DSCAM: variants seen among roughly 807,000 people sequenced by gnomAD.
DSCAM encodes the protein cell adhesion molecule DSCAM.
In DSCAM, 47 loss-of-function variants were observed where a neutral mutation model predicts 217.7. That is an observed-to-expected ratio of 0.22 (90% CI 0.17 to 0.28). DSCAM has a LOEUF of 0.28. Among genes scored for constraint, DSCAM ranks in the 10% least tolerant of loss-of-function variants. The pLI is 1.00. For synonymous variants in DSCAM, 1,056 were observed against 1,015.3 expected (o/e 1.04, Z -0.76); for missense variants, 2,080 against 2,618.3 (o/e 0.79, Z 4.49).
At chr21:40,764,614 G>T (rs1241173898) in intron 1 of DSCAM, among the ~76,000 whole-genome samples, 1 of 152,100 alleles carries the variant, frequency 6.6e-6, no homozygotes, top group Non-Finnish European at 1.5e-5. Flanking sequence ...ATACCCAAAG[G>T]ATTAGAAATC....
chr21:40,468,132 T>G (rs1259224667), intron 3 of DSCAM, among the ~76,000 whole-genome samples: 2 of 152,208 alleles, frequency 1.3e-5, no homozygotes, highest in South Asian at 2.1e-4. Flanking sequence ...AATGCACATC[T>G]GATTTGCTTC....
rs868007701 is a variant in DSCAM, at chr21:40,409,432, T to A, written c.509-40187A>T. Among the ~76,000 whole-genome samples, 9 of 152,288 alleles carry A rather than the reference T, an allele frequency of 5.9e-5. 1 individual carries two copies. Among genetic ancestry groups the A allele is most frequent in the Admixed American group, 1.3e-4 (2 of 15,298 alleles). ...TTTTCCAGAGATGACCCAACCAGCC[T>A]GATGGTCTCTTCTCTGAGTTGAGAG... On this transcript the variant is annotated intron_variant, in intron 3 of 32. Coordinates refer to ENST00000400454, the MANE Select transcript of DSCAM (RefSeq NM_001389.5).
intron 3 of DSCAM, among the ~76,000 whole-genome samples, chr21:40,617,016 C>CTAA (rs2089407009): frequency 1.5e-5 from 1 of 68,952 alleles, no homozygotes; most frequent in African/African-American, 6.0e-5. Flanking sequence ...GACTCCGTCT[C>CTAA]AAAAAAAAAA....
intron 1 of DSCAM, among the ~76,000 whole-genome samples, chr21:40,751,766 G>T (rs866519514): frequency 5.1e-4 from 78 of 152,162 alleles, no homozygotes; most frequent in African/African-American, 1.8e-3. Flanking sequence ...TTTCTTAAGT[G>T]GGGTTCTATT....
At chr21:40,623,238 G>A (rs1274304238) in intron 3 of DSCAM, among the ~76,000 whole-genome samples, 2 of 149,840 alleles carry the variant, frequency 1.3e-5, no homozygotes. Context: ...AAGCTATTCA[G>A]AAAAAAAAAA....
At chr21:40,166,128 G>T (rs777502636) in intron 16 of DSCAM, among the ~76,000 whole-genome samples, 2 of 152,078 alleles carry the variant, frequency 1.3e-5, no homozygotes, top group Non-Finnish European at 2.9e-5. Flanking sequence ...TGTTACAGAG[G>T]CTGGTCATCT....
chr21:40,391,298 G>A (rs2210267), intron 3 of DSCAM, among the ~76,000 whole-genome samples: 3 of 152,050 alleles, frequency 2.0e-5, no homozygotes, highest in Non-Finnish European at 4.4e-5. Context: ...CTTAAAAATC[G>A]CTGAGTGCAT....
At position 40,712,469 on chromosome 21, in the gene DSCAM, C is replaced by CAAAA. The variant is rs571819417; in HGVS notation, c.44-3702_44-3699dup. ...TGGGCGACAGAGCGAGACTCCGTCT[C>CAAAA]AAAAAAAAAAAAAAAAAAAAAAAAA... On this transcript the variant is annotated intron_variant, in intron 1 of 32. Transcript: ENST00000400454. Among the ~76,000 whole-genome samples the CAAAA allele has an allele frequency of 3.1e-3, 85 of 27,312 alleles. 2 individuals carry two copies. The highest frequency in any genetic ancestry group is 5.0e-3 in the South Asian group (3 of 604). The allele number at this position is 27,312 out of a possible 152,430, so 17.9% of individuals were successfully genotyped here. A position where few individuals can be genotyped will look rare whatever the true frequency, so the allele number is the denominator to read the frequency against.
intron 20 of DSCAM, among the ~76,000 whole-genome samples, chr21:40,107,270 A>T (rs1157559021): frequency 6.6e-6 from 1 of 152,048 alleles, no homozygotes; most frequent in Non-Finnish European, 1.5e-5. Context: ...ATTTCCATGT[A>T]ATTTGTATAG....
At chr21:40,060,068 C>T (rs1568918971) in intron 28 of DSCAM, among the ~76,000 whole-genome samples, 1 of 152,336 alleles carries the variant, frequency 6.6e-6, no homozygotes, top group Admixed American at 6.5e-5. Flanking sequence ...TAATCCCATA[C>T]AAATCCACCT....
rs747179253 is a variant in DSCAM at position 40,013,346 on chromosome 21, A to G, written c.5727T>C (p.Phe1909=). The part of the protein sequence containing the change: ...IHLPPYLRMD[F]LLNRGGPGTS... ...TGCCTGGACCACCTCGGTTTAACAA[A>G]AAGTCCATTCTAAGGTATGGAGGCA... Residue 1909 remains phenylalanine, a synonymous_variant, in exon 33 of 33, where the codon TTT becomes TTC. Coordinates refer to ENST00000400454, the MANE Select transcript of DSCAM (RefSeq NM_001389.5). 1 of 1,601,754 alleles carries G rather than the reference A, an allele frequency of 6.2e-7. No individual in the cohort carries two copies. The highest frequency in any genetic ancestry group is 8.5e-7 in the Non-Finnish European group (1 of 1,174,764).
intron 3 of DSCAM, among the ~76,000 whole-genome samples, chr21:40,536,096 G>A (rs79600885): frequency 0.03 from 4,511 of 152,272 alleles, 204 homozygotes; most frequent in African/African-American, 0.098. Context: ...TTTAATAAAC[G>A]TAAGTGTCCA....
chr21:40,294,741 T>C (rs1274109750), intron 10 of DSCAM, among the ~76,000 whole-genome samples: 1 of 152,180 alleles, frequency 6.6e-6, no homozygotes, highest in East Asian at 1.9e-4. Context: ...CTAAATTAAA[T>C]TTATGATGTT....
intron 4 of DSCAM, among the ~76,000 whole-genome samples, chr21:40,366,603 CT>C (rs1569087559): frequency 6.6e-6 from 1 of 152,090 alleles, no homozygotes; most frequent in Non-Finnish European, 1.5e-5. Context: ...ATAATCAAAA[CT>C]TTTTTAAAAA....
At chr21:40,136,054 G>C (rs538165567) in intron 18 of DSCAM, among the ~76,000 whole-genome samples, 1 of 152,316 alleles carries the variant, frequency 6.6e-6, no homozygotes, top group African/African-American at 2.4e-5. Flanking sequence ...GGCGAGGATG[G>C]CCCAAAGACA....
intron 20 of DSCAM, among the ~76,000 whole-genome samples, chr21:40,101,370 A>G (rs2089748205): frequency 6.6e-6 from 1 of 152,210 alleles, no homozygotes; most frequent in Non-Finnish European, 1.5e-5. Context: ...CCACCAGATA[A>G]CATGGTGGCA....
At chr21:40,159,216 A>T (rs934465535) in intron 16 of DSCAM, among the ~76,000 whole-genome samples, 8 of 152,120 alleles carry the variant, frequency 5.3e-5, no homozygotes, top group Admixed American at 5.2e-4. Context: ...CCATTTGATG[A>T]TGTCTATGTA....
At chr21:40,373,147 A>T (rs893411233) in intron 3 of DSCAM, among the ~76,000 whole-genome samples, 4 of 152,212 alleles carry the variant, frequency 2.6e-5, no homozygotes, top group African/African-American at 9.7e-5. Context: ...TCAAAGGCAG[A>T]TATTAAAATA....
chr21:40,261,765 A>C (rs1235613634), intron 11 of DSCAM, among the ~76,000 whole-genome samples: 1 of 152,106 alleles, frequency 6.6e-6, no homozygotes, highest in East Asian at 1.9e-4. Flanking sequence ...CTATCTCTCT[A>C]TATGTCTTAT....
Sources: gnomAD v4.1 joint callset for allele counts (sites outside exome capture counted in the v4.1 genomes callset) on GRCh38, gnomAD v4.1.1 for gene constraint, MANE v1.5 for transcripts, NCBI Gene and HGNC (gene_info 2026-07-23, HGNC 2026-07-21) for gene names.